PCDHGA2: variants seen among roughly 807,000 people sequenced by gnomAD.
The protein encoded by PCDHGA2 is protocadherin gamma subfamily A, 2.
PCDHGA2 carries 40 observed loss-of-function variants against 59.2 expected under a neutral mutation model. That is an observed-to-expected ratio of 0.68 (90% CI 0.52 to 0.88). PCDHGA2 has a LOEUF of 0.88. PCDHGA2 is among the 40% of genes least tolerant of loss of function. The pLI, the probability that PCDHGA2 is intolerant of heterozygous loss-of-function variation, is 0.00. For synonymous variants in PCDHGA2, 560 were observed against 526.0 expected, an observed-to-expected ratio of 1.06 and a Z score of -0.89; for missense variants, 1,226 against 1,204.0, an observed-to-expected ratio of 1.02 and a Z score of -0.27.
chr5:141,365,668 T>C, intron 1 of PCDHGA2: 1 of 1,613,456 alleles, frequency 6.2e-7, no homozygotes, highest in Non-Finnish European at 8.5e-7. Flanking sequence ...CAGACGTTAA[T>C]GACAACCCAC....
At chr5:141,344,593 A>AG in intron 1 of PCDHGA2, 2 of 1,613,956 alleles carry the variant, frequency 1.2e-6, no homozygotes, top group South Asian at 2.2e-5. Context: ...AGCGTCTCTG[A>AG]GGGGGCCAAG....
At chr5:141,422,498 C>T (rs1482415670) in intron 1 of PCDHGA2, 1 of 1,613,964 alleles carries the variant, frequency 6.2e-7, no homozygotes, top group Admixed American at 1.7e-5. Flanking sequence ...ATAACGTTGA[C>T]AGCCACAGAC....
At chr5:141,502,547 C>G (rs1340258642) in intron 2 of PCDHGA2, among the ~76,000 whole-genome samples, 2 of 152,156 alleles carry the variant, frequency 1.3e-5, no homozygotes, top group East Asian at 3.8e-4. Context: ...GTGGTAAAAA[C>G]AGTGTCCCAG....
At chr5:141,365,601 T>C in intron 1 of PCDHGA2, 1 of 1,613,644 alleles carries the variant, frequency 6.2e-7, no homozygotes, top group Non-Finnish European at 8.5e-7. Context: ...ACTTTAACCG[T>C]CATGGACCAT....
At position 141,383,936 on chromosome 5, in the gene PCDHGA2, A is replaced by C. The variant is rs563490528; in HGVS notation, c.2424+42541A>C. ...TTAGATGTAAATGATAATGCTCCAG[A>C]AGTGACTATGACGTCTTTAAGTAGC... On this transcript the variant is annotated intron_variant, in intron 1 of 3. Transcript: ENST00000394576. The C allele has an allele frequency of 1.9e-6, 3 of 1,613,936 alleles. No individual in the cohort carries two copies. In the East Asian group the frequency reaches 6.7e-5, roughly 36 times the overall value.
At chr5:141,365,475 T>C in intron 1 of PCDHGA2, 1 of 1,613,978 alleles carries the variant, frequency 6.2e-7, no homozygotes, top group Non-Finnish European at 8.5e-7. Flanking sequence ...AATGGTGAGA[T>C]TGCATGCTCT....
chr5:141,427,046 C>A (rs916723344), intron 1 of PCDHGA2: 6 of 457,244 alleles, frequency 1.3e-5, no homozygotes, highest in African/African-American at 2.0e-5. Flanking sequence ...AGAATGTGCC[C>A]CCAGGCACCT....
chr5:141,436,781 A>C (rs1041532929), intron 1 of PCDHGA2, among the ~76,000 whole-genome samples: 1 of 152,236 alleles, frequency 6.6e-6, no homozygotes, highest in Admixed American at 6.5e-5. Flanking sequence ...TGTGGATGGA[A>C]ATAAAACTGT....
chr5:141,428,222 C>A, intron 1 of PCDHGA2: 1 of 1,173,442 alleles, frequency 8.5e-7, no homozygotes, highest in Non-Finnish European at 1.2e-6. Flanking sequence ...CTAGTCTTCG[C>A]AGACAGCCTG....
intron 1 of PCDHGA2, among the ~76,000 whole-genome samples, chr5:141,449,103 A>G (rs1033077737): frequency 2.0e-5 from 3 of 152,206 alleles, no homozygotes; most frequent in African/African-American, 7.2e-5. Context: ...CATATGCAGT[A>G]TATCTTTGGG....
At chr5:141,408,645 C>T (rs763904747) in intron 1 of PCDHGA2, 10 of 1,613,890 alleles carry the variant, frequency 6.2e-6, no homozygotes, top group Non-Finnish European at 8.5e-6. Flanking sequence ...TCTGCATCCG[C>T]TGGTACACGA....
At chr5:141,388,104 T>C in intron 1 of PCDHGA2, 1 of 1,386,112 alleles carries the variant, frequency 7.2e-7, no homozygotes, top group Non-Finnish European at 1.0e-6. Context: ...GGAGAAGCCT[T>C]ACTTCACCGT....
chr5:141,350,097 G>A (rs895665070), intron 1 of PCDHGA2: 15 of 470,386 alleles, frequency 3.2e-5, no homozygotes, highest in Non-Finnish European at 4.6e-5. Context: ...GTCAGGCAGG[G>A]TGCCTTCCTG....
chr5:141,428,459 A>G (rs1322945046), intron 1 of PCDHGA2: 2 of 350,154 alleles, frequency 5.7e-6, no homozygotes, highest in Non-Finnish European at 1.1e-5. Flanking sequence ...CCCAACTACA[A>G]TGAGGGAACT....
chr5:141,349,812 T>G (rs1032595462), intron 1 of PCDHGA2, among the ~76,000 whole-genome samples: 8 of 151,658 alleles, frequency 5.3e-5, no homozygotes, highest in Non-Finnish European at 1.2e-4. Flanking sequence ...CCCCCAAAAC[T>G]GAAAAAAATG....
At chr5:141,492,527 G>A (rs1000672383) in intron 1 of PCDHGA2, among the ~76,000 whole-genome samples, 1 of 152,184 alleles carries the variant, frequency 6.6e-6, no homozygotes, top group African/African-American at 2.4e-5. Flanking sequence ...TCTCCCACCT[G>A]CGCCCCGGGC....
In PCDHGA2 at chr5:141,415,247, C is replaced by T. The variant is rs181239359; in HGVS notation, c.2424+73852C>T. The stretch of plus-strand genomic sequence containing the variant: ...GAGTCTCCAGCTAACTCTGAAACCT[C>T]AGACCTCACTCTGTACCTGGTGGTA... On this transcript the variant is annotated intron_variant, in intron 1 of 3. Transcript: ENST00000394576. 958 of 1,614,210 alleles carry T rather than the reference C, an allele frequency of 5.9e-4. 13 individuals are homozygous for T. The East Asian group carries it at 0.015, about 25-fold the overall frequency.
At chr5:141,364,990 G>T in intron 1 of PCDHGA2, 1 of 1,613,862 alleles carries the variant, frequency 6.2e-7, no homozygotes, top group South Asian at 1.1e-5. Flanking sequence ...GCGGAGACCC[G>T]GTACTCTCCG....
Position 141,403,639 on chromosome 5 carries a change from T to C in PCDHGA2, c.2424+62244T>C, listed in dbSNP as rs377402370. On this transcript the variant is annotated intron_variant, in intron 1 of 3. Coordinates refer to ENST00000394576, the MANE Select transcript of PCDHGA2 (RefSeq NM_018915.4). ...GTCGCTCCAGCACAGTGCGCATCCA[T>C]GTGACAGTGTTGGATACAAATGATA... 1.4e-4 allele frequency: 219 copies of C among 1,613,892 alleles called. 1 individual carries two copies. The East Asian group carries it at 4.5e-3, about 33-fold the overall frequency.
Sources: allele counts gnomAD v4.1 joint callset (sites outside exome capture counted in the v4.1 genomes callset), GRCh38; gene constraint gnomAD v4.1.1; transcripts MANE v1.5; gene names NCBI Gene and HGNC (gene_info 2026-07-23, HGNC 2026-07-21).